NCLN: variants seen among roughly 807,000 people sequenced by gnomAD.
NCLN encodes nicalin.
Under a neutral mutation model 69.5 loss-of-function variants are expected in NCLN, and 34 were observed. That is an observed-to-expected ratio of 0.49 (90% CI 0.37 to 0.65). NCLN has a LOEUF of 0.65. Ranked by LOEUF, NCLN falls within the 30% of genes least tolerant of loss-of-function variation. NCLN has a pLI of 0.00. For missense variants in NCLN, 710 were observed against 804.8 expected, an observed-to-expected ratio of 0.88 and a Z score of 1.42; for synonymous variants, 393 against 358.3, an observed-to-expected ratio of 1.10 and a Z score of -1.09.
intron 4 of NCLN, among the ~76,000 whole-genome samples, chr19:3,197,253 T>C (rs1915987932): frequency 6.6e-6 from 1 of 152,228 alleles, no homozygotes; most frequent in South Asian, 2.1e-4. Flanking sequence ...GTCGATTCCC[T>C]TTCCCCTGGC....
chr19:3,202,695 C>T lies in NCLN; in HGVS notation c.801-1061C>T, dbSNP rs544858127. ...CTGGCCTCAAGCGATCCTCCTGCCT[C>T]AGCCTCCTAAAGCACTAGGATTACA... On this transcript the variant is annotated intron_variant, in intron 6 of 14. Transcript: ENST00000246117. Among the ~76,000 whole-genome samples, 18 of 152,270 alleles carry T rather than the reference C, an allele frequency of 1.2e-4. 2 individuals are homozygous for T. The South Asian group carries it at 3.7e-3, about 32-fold the overall frequency.
At chr19:3,195,394 T>C (rs1008743436) in intron 3 of NCLN, among the ~76,000 whole-genome samples, 10 of 151,870 alleles carry the variant, frequency 6.6e-5, no homozygotes, top group African/African-American at 1.7e-4. Context: ...GGACTACAGG[T>C]GCCCACCACC....
At chr19:3,196,748 C>T (rs118160328) in intron 4 of NCLN, among the ~76,000 whole-genome samples, 3,413 of 152,342 alleles carry the variant, frequency 0.022, 55 homozygotes, top group Non-Finnish European at 0.032. Flanking sequence ...GCGGAAGTAG[C>T]CTCTCGGATC....
intron 12 of NCLN, among the ~76,000 whole-genome samples, chr19:3,206,735 C>T (rs895099329): frequency 1.3e-5 from 2 of 152,204 alleles, no homozygotes; most frequent in African/African-American, 4.8e-5. Context: ...ACTTAGGAGG[C>T]CGGGACGGAA....
intron 1 of NCLN, among the ~76,000 whole-genome samples, chr19:3,187,185 A>G (rs947131126): frequency 6.6e-6 from 1 of 151,982 alleles, no homozygotes; most frequent in African/African-American, 2.4e-5. Context: ...GCATTCTGCA[A>G]GTCTCCCACT....
Position 3,203,768 on chromosome 19 carries a change from G to A in NCLN, c.813G>A (p.Leu271=). The A allele has an allele frequency of 6.2e-7, 1 of 1,612,520 alleles. No homozygotes were observed. The highest frequency in any genetic ancestry group is 8.5e-7 in the Non-Finnish European group (1 of 1,179,536). ...YKRTHAAYNL[L]FFASGGGKFN... is the part of the protein sequence containing the mutation. ...TCTTCCCTCCCAGCTACAACCTCCTGTTCTTTGCGTCTGGAGGAGGCAAGT... is the reference window on the plus strand; with the variant it reads ...TCTTCCCTCCCAGCTACAACCTCCTATTCTTTGCGTCTGGAGGAGGCAAGT... Residue 271 remains leucine, a synonymous_variant, in exon 7 of 15, where the codon CTG becomes CTA. Transcript: ENST00000246117.
intron 9 of NCLN, 151 bp downstream of exon 9, chr19:3,204,902 C>A: frequency 1.1e-6 from 1 of 885,700 alleles, no homozygotes; most frequent in Non-Finnish European, 1.6e-6. Context: ...AGGCCGGCTG[C>A]ACGGTCAGGC....
intron 7 of NCLN, 46 bp downstream of exon 7, chr19:3,203,890 G>T (rs780510624): frequency 1.8e-5 from 29 of 1,597,682 alleles, no homozygotes; most frequent in Non-Finnish European, 2.4e-5. Context: ...TGGTGGTGCC[G>T]TGGGGAGGCA....
At chr19:3,195,611 CTT>C (rs1436192262) in intron 3 of NCLN, among the ~76,000 whole-genome samples, 3 of 151,892 alleles carry the variant, frequency 2.0e-5, no homozygotes, top group Non-Finnish European at 4.4e-5. Context: ...TTCTTATTAT[CTT>C]TTATTTTATT....
chr19:3,195,705 C>T (rs895155805), intron 3 of NCLN, among the ~76,000 whole-genome samples: 14 of 151,964 alleles, frequency 9.2e-5, no homozygotes, highest in South Asian at 2.1e-4. Flanking sequence ...ACAGGAGGAT[C>T]GCTTGATCCT....
intron 3 of NCLN, among the ~76,000 whole-genome samples, chr19:3,195,358 T>A (rs997022921): frequency 1.5e-4 from 22 of 151,502 alleles, no homozygotes; most frequent in African/African-American, 5.3e-4. Flanking sequence ...CGCGCCATTC[T>A]CCTGCCTCAG....
chr19:3,189,829 G>C (rs573140998), intron 1 of NCLN, among the ~76,000 whole-genome samples: 1 of 152,136 alleles, frequency 6.6e-6, no homozygotes, highest in East Asian at 1.9e-4. Flanking sequence ...GGCCCCGAGC[G>C]AGCGGGGGCT....
chr19:3,196,175 C>T lies in NCLN; in HGVS notation c.521-8C>T, dbSNP rs1279742065. On this transcript the variant is annotated splice_polypyrimidine_tract_variant and splice_region_variant and intron_variant, in intron 3 of 14. Transcript: ENST00000246117. ...GCCAAGGCTGATGCGCCCTCTCCCTCTCCCTAGTACTGCTGCGCACGGCCA... is the reference window on the plus strand; with the variant it reads ...GCCAAGGCTGATGCGCCCTCTCCCTTTCCCTAGTACTGCTGCGCACGGCCA... 7.2e-6 allele frequency: 11 copies of T among 1,534,396 alleles called. No individual in the cohort carries two copies. The highest frequency in any genetic ancestry group is 9.7e-6 in the Non-Finnish European group (11 of 1,135,094).
rs938103468 is a variant in NCLN at position 3,205,744 on chromosome 19, G to A, written c.1209-195G>A. 2 of 598,122 alleles carry A rather than the reference G, an allele frequency of 3.3e-6. No homozygotes were observed. The highest frequency in any genetic ancestry group is 5.9e-6 in the Non-Finnish European group (2 of 338,082). 37.1% of individuals were successfully genotyped at this position (598,122 alleles called of 1,614,324 possible). A position where few individuals can be genotyped will look rare whatever the true frequency, so the allele number is the denominator to read the frequency against. On this transcript the variant is annotated intron_variant, in intron 9 of 14. Coordinates refer to ENST00000246117, the MANE Select transcript of NCLN (RefSeq NM_020170.4). The surrounding 1 kb of genome is among the most constrained non-coding windows in gnomAD (Gnocchi z 4.6). ...GCACAGGGACGGGTCAGGGCAAGGG[G>A]CCTGGAGGTGTGGGGCCCCCAGTGA...
chr19:3,196,319 G>A (rs990021566), intron 4 of NCLN, 42 bp downstream of exon 4: 1 of 1,421,842 alleles, frequency 7.0e-7, no homozygotes, highest in East Asian at 2.6e-5. Context: ...CGTCCCCAGG[G>A]GTTCCTGCCA....
chr19:3,193,325 C>G lies in NCLN; in HGVS notation c.417C>G (p.Thr139=). The change falls in exon 3 of 15, where the codon ACC becomes ACG. Residue 139 remains threonine (T), a synonymous_variant. Coordinates refer to ENST00000246117, the MANE Select transcript of NCLN (RefSeq NM_020170.4). ...EIEPEMLAME[T]AVPVYFAVED... ...AGCCGGAGATGCTGGCCATGGAGAC[C>G]GCCGTCCCCGTGTACTTTGCCGTGG... 1 of 1,613,058 alleles carries G rather than the reference C, an allele frequency of 6.2e-7. No individual in the cohort carries two copies.
intron 12 of NCLN, 77 bp downstream of exon 12, chr19:3,206,502 C>T (rs1916276896): frequency 3.4e-6 from 5 of 1,469,664 alleles, no homozygotes; most frequent in African/African-American, 2.8e-5. Flanking sequence ...CTCCCACCCC[C>T]TCACCCCTGG....
intron 12 of NCLN, 40 bp from the exon 13 acceptor site, chr19:3,207,158 G>A: frequency 6.2e-7 from 1 of 1,608,088 alleles, no homozygotes. Context: ...AGAATTAGCT[G>A]GGCGCAGTGG....
chr19:3,199,342 C>T (rs974622913), intron 5 of NCLN, among the ~76,000 whole-genome samples: 12 of 152,258 alleles, frequency 7.9e-5, no homozygotes, highest in Non-Finnish European at 1.8e-4. Flanking sequence ...ACGTGGAACA[C>T]GCCTCATTGT....
Sources: gnomAD v4.1 joint callset for allele counts (sites outside exome capture counted in the v4.1 genomes callset) on GRCh38, gnomAD v4.1.1 for gene constraint, Gnocchi (gnomAD v3.1) non-coding constraint, MANE v1.5 for transcripts, NCBI Gene and HGNC (gene_info 2026-07-23, HGNC 2026-07-21) for gene names.